The following ASGR2 variants were observed in gnomAD, a reference collection of about 807,000 sequenced individuals.
The protein encoded by ASGR2 is C-type lectin domain family 4 member H2.
A neutral mutation model predicts 32.3 loss-of-function variants in ASGR2; 34 were observed. That is an observed-to-expected ratio of 1.05 (90% CI 0.80 to 1.40). The LOEUF is 1.40. Among genes scored for constraint, ASGR2 ranks in the 40% most tolerant of loss-of-function variants. The pLI, the probability that ASGR2 is intolerant of heterozygous loss-of-function variation, is 0.00. For synonymous variants in ASGR2, 143 were observed against 150.0 expected, an observed-to-expected ratio of 0.95 and a Z score of 0.34; for missense variants, 385 against 386.4, an observed-to-expected ratio of 1.00 and a Z score of 0.03.
chr17:7,111,790 G>T (rs190087), intron 2 of ASGR2, among the ~76,000 whole-genome samples: 20,667 of 150,804 alleles, frequency 0.14, 1,736 homozygotes, highest in African/African-American at 0.22. Flanking sequence ...TTGGGAGGTC[G>T]ACACGGGGGG....
intron 7 of ASGR2, 61 bp from the exon 8 acceptor site, chr17:7,102,257 A>C: frequency 2.2e-5 from 30 of 1,388,310 alleles, no homozygotes; most frequent in Non-Finnish European, 2.9e-5. Flanking sequence ...CCCTCCATGC[A>C]GGCATGGAAC....
chr17:7,102,096 T>G lies in ASGR2; in HGVS notation c.749A>C (p.Asn250Thr). The change falls in exon 8 of 9, where the codon AAC becomes ACC. Residue 250 changes from asparagine to threonine, a missense_variant. Physicochemically the swap from Asn to Thr is moderately conservative, Grantham distance 65. Coordinates refer to ENST00000691900, the MANE Select transcript of ASGR2 (RefSeq NM_001201352.2). ...KWVDGTDYRH[N>T]YKNWAVTQPD... ...GAGGGAAGAGGCCACTTACTTGTAG[T>G]TGTGCCTATAGTCTGTGCCATCCAC... 6.2e-7 allele frequency: 1 copy of G among 1,613,576 alleles called. No homozygotes were observed. The highest frequency in any genetic ancestry group is 8.5e-7 in the Non-Finnish European group (1 of 1,179,476).
At chr17:7,104,989 A>ATTT (rs35115466) in intron 7 of ASGR2, among the ~76,000 whole-genome samples, 7 of 130,116 alleles carry the variant, frequency 5.4e-5, no homozygotes, top group African/African-American at 2.2e-4. Context: ...AAAAAAAAAA[A>ATTT]TTTTTTTTTT....
At chr17:7,110,012 G>A (rs1215632881) in intron 2 of ASGR2, among the ~76,000 whole-genome samples, 1 of 152,050 alleles carries the variant, frequency 6.6e-6, no homozygotes, top group East Asian at 1.9e-4. Context: ...CTGACTCTGT[G>A]GACTTCCTTG....
At position 7,114,121 on chromosome 17, in the gene ASGR2, C is replaced by A; in HGVS notation, c.120G>T (p.Leu40Phe). 1 of 1,614,184 alleles carries A rather than the reference C, an allele frequency of 6.2e-7. No homozygotes were observed. The highest frequency in any genetic ancestry group is 1.1e-5 in the South Asian group (1 of 91,090). The change falls in exon 2 of 9, where the codon TTG becomes TTT. Residue 40 changes from leucine to phenylalanine, a missense_variant. Transcript: ENST00000691900. This position sits in a 1 kb window ranked among gnomAD's most constrained non-coding sequence, Gnocchi z 4.5. ...RLNPRRGNPFLKGPPPAQPLA... is the reference protein window; with the variant it reads ...RLNPRRGNPFFKGPPPAQPLA... ...CCGCAGAAACTGCACACTTGCCTTT[C>A]AAAAATGGATTTCCTCTCCTGGGAT...
rs145061315 is a variant in ASGR2 at position 7,113,968 on chromosome 17, G to C, written c.124+149C>G. ...ATGCCTTTCCTGGGGTCCTGGGGTA[G>C]ACAGGAAGGTGAGGTGAGGGAACAA... On this transcript the variant is annotated intron_variant, in intron 2 of 8. Transcript: ENST00000691900. This position sits in a 1 kb window ranked among gnomAD's most constrained non-coding sequence, Gnocchi z 5.1. The C allele has an allele frequency of 4.8e-3, 5,939 of 1,233,958 alleles. 22 individuals are homozygous for C. The highest frequency in any genetic ancestry group is 5.8e-3 in the Non-Finnish European group (5,228 of 897,476). 76.4% of individuals were successfully genotyped at this position (1,233,958 alleles called of 1,614,324 possible).
In ASGR2 at chr17:7,108,157, C is replaced by G. The variant is rs945677892; in HGVS notation, c.338-250G>C. 4.6e-5 allele frequency among the ~76,000 whole-genome samples: 7 copies of G among 152,160 alleles called. No homozygotes were observed. The highest frequency in any genetic ancestry group is 8.8e-5 in the Non-Finnish European group (6 of 68,016). On this transcript the variant is annotated intron_variant, in intron 4 of 8. Coordinates refer to ENST00000691900, the MANE Select transcript of ASGR2 (RefSeq NM_001201352.2). The surrounding 1 kb of genome is among the most constrained non-coding windows in gnomAD (Gnocchi z 4.9). ...CACGGCTCACCTGCGTGGCCGGGCCCCTCCCCACCTCTCTCTGGCCACCCC... is the reference window on the plus strand; with the variant it reads ...CACGGCTCACCTGCGTGGCCGGGCCGCTCCCCACCTCTCTCTGGCCACCCC...
intron 2 of ASGR2, among the ~76,000 whole-genome samples, chr17:7,112,160 A>C (rs1484581995): frequency 1.4e-5 from 2 of 141,664 alleles, no homozygotes; most frequent in African/African-American, 5.2e-5. Flanking sequence ...TGGGAGAAAA[A>C]AGAATTAAAA....
At chr17:7,102,022 TGGAGTGAAA>T in intron 8 of ASGR2, 59 bp downstream of exon 8, 1 of 1,486,056 alleles carries the variant, frequency 6.7e-7, no homozygotes, top group Non-Finnish European at 9.4e-7. Context: ...CAGGGTAGCT[TGGAGTGAAA>T]GGCCAGGGGG....
chr17:7,108,214 C>T lies in ASGR2; in HGVS notation c.337+248G>A, dbSNP rs1416209283. The stretch of plus-strand genomic sequence containing the variant: ...GCCTGCCCCTCCGATGGGCCTGCCA[C>T]ACTCGATTTGCTCACAGGCCCAAGA... On this transcript the variant is annotated intron_variant, in intron 4 of 8. Transcript: ENST00000691900. The surrounding 1 kb of genome is among the most constrained non-coding windows in gnomAD (Gnocchi z 4.9). 6.6e-6 allele frequency among the ~76,000 whole-genome samples: 1 copy of T among 152,194 alleles called. No homozygotes were observed. The highest frequency in any genetic ancestry group is 6.5e-5 in the Admixed American group (1 of 15,288).
intron 7 of ASGR2, among the ~76,000 whole-genome samples, chr17:7,104,606 G>T (rs1018174882): frequency 3.9e-5 from 6 of 151,980 alleles, no homozygotes; most frequent in Non-Finnish European, 7.4e-5. Flanking sequence ...AGTCGAGATC[G>T]TGTCACTGCA....
chr17:7,106,804 C>T (rs181984325), intron 7 of ASGR2, among the ~76,000 whole-genome samples, 196 bp downstream of exon 7: 4 of 150,938 alleles, frequency 2.7e-5, no homozygotes, highest in African/African-American at 9.8e-5. Context: ...TTTGGGAGGC[C>T]GAGGCAGGAG....
At chr17:7,103,204 C>G (rs1236708076) in intron 7 of ASGR2, among the ~76,000 whole-genome samples, 3 of 152,240 alleles carry the variant, frequency 2.0e-5, no homozygotes, top group Non-Finnish European at 4.4e-5. Context: ...ATTCTACTCT[C>G]ACTCTCTAGA....
At position 7,114,563 on chromosome 17, in the gene ASGR2, C is replaced by G; in HGVS notation, c.-71+52G>C. On this transcript the variant is annotated intron_variant, in intron 1 of 8. Coordinates refer to ENST00000691900, the MANE Select transcript of ASGR2 (RefSeq NM_001201352.2). This position sits in a 1 kb window ranked among gnomAD's most constrained non-coding sequence, Gnocchi z 4.5. ...GGTCCTCCCCATCCCTGAACCAAGG[C>G]CTCCTTGTTCCCAAGCATCCTCGTC... The G allele has an allele frequency of 9.0e-7, 1 of 1,115,172 alleles. No individual in the cohort carries two copies. Among genetic ancestry groups the G allele is most frequent in the South Asian group, 3.0e-5 (1 of 33,874 alleles). The allele number at this position is 1,115,172 out of a possible 1,614,324, so 69.1% of individuals were successfully genotyped here.
Position 7,107,562 on chromosome 17 carries a change from TATACC to T in ASGR2, c.410-250_410-246del. On this transcript the variant is annotated intron_variant, in intron 5 of 8. Coordinates refer to ENST00000691900, the MANE Select transcript of ASGR2 (RefSeq NM_001201352.2). This position sits in a 1 kb window ranked among gnomAD's most constrained non-coding sequence, Gnocchi z 5.0. The stretch of plus-strand genomic sequence containing the variant: ...CACACATCACATGCGTACACACACA[TATACC>T]ATACCGCACACACACAGACTCATCT... 1.8e-5 allele frequency: 5 copies of T among 272,454 alleles called. No individual in the cohort carries two copies. In the South Asian group the frequency reaches 2.5e-4, roughly 14 times the overall value. 16.9% of individuals were successfully genotyped at this position (272,454 alleles called of 1,614,324 possible). A position where few individuals can be genotyped will look rare whatever the true frequency, so the allele number is the denominator to read the frequency against.
rs1914048456 is a variant in ASGR2 at position 7,107,836 on chromosome 17, C to G, written c.409G>C (p.Asp137His). 6.2e-7 allele frequency: 1 copy of G among 1,613,974 alleles called. No homozygotes were observed. The change falls in exon 5 of 9, where the codon GAT (aspartate) becomes CAT (histidine). Residue 137 changes from aspartate to histidine, a missense_variant and splice_region_variant. Coordinates refer to ENST00000691900, the MANE Select transcript of ASGR2 (RefSeq NM_001201352.2). This position sits in a 1 kb window ranked among gnomAD's most constrained non-coding sequence, Gnocchi z 5.0. ...GCACACACCCCGGAGGCTCTCTGAC[C>G]TGCTTTCAGGTCCTGCTGCTGTTTC... is the stretch of plus-strand genomic sequence containing the variant. ...LEKQQQDLKA[D>H]HDALLFHLKH...
At chr17:7,104,638 A>G (rs1269970172) in intron 7 of ASGR2, among the ~76,000 whole-genome samples, 2 of 151,870 alleles carry the variant, frequency 1.3e-5, no homozygotes, top group African/African-American at 4.8e-5. Context: ...GCGAAAGAGC[A>G]AGTCTCCATT....
chr17:7,112,850 A>C (rs949718880), intron 2 of ASGR2, among the ~76,000 whole-genome samples: 1 of 151,924 alleles, frequency 6.6e-6, no homozygotes, highest in Non-Finnish European at 1.5e-5. Context: ...GCCTCCATGG[A>C]ACCCGGCTCC....
chr17:7,113,629 TAC>T lies in ASGR2; in HGVS notation c.124+486_124+487del, dbSNP rs377157728. Among the ~76,000 whole-genome samples, 2 of 147,914 alleles carry T rather than the reference TAC, an allele frequency of 1.4e-5. No individual in the cohort carries two copies. The highest frequency in any genetic ancestry group is 2.1e-4 in the South Asian group (1 of 4,674). ...GCACAACATACACACATGCACAAGATACACACACAACACACAACATACACTCA... is the reference window on the plus strand; with the variant it reads ...GCACAACATACACACATGCACAAGATACACACAACACACAACATACACTCA... On this transcript the variant is annotated intron_variant, in intron 2 of 8. Coordinates refer to ENST00000691900, the MANE Select transcript of ASGR2 (RefSeq NM_001201352.2). This position sits in a 1 kb window ranked among gnomAD's most constrained non-coding sequence, Gnocchi z 5.1.
Sources: gnomAD v4.1 joint callset for allele counts (sites outside exome capture counted in the v4.1 genomes callset) on GRCh38, gnomAD v4.1.1 for gene constraint, Gnocchi (gnomAD v3.1) non-coding constraint, MANE v1.5 for transcripts, NCBI Gene and HGNC (gene_info 2026-07-23, HGNC 2026-07-21) for gene names.